Variants in DLGAP4 observed in about 807,000 individuals in gnomAD.
The protein encoded by DLGAP4 is DLG associated protein 4.
DLGAP4 carries 18 observed loss-of-function variants against 86.9 expected under a neutral mutation model. The observed-to-expected ratio is 0.21, with a 90% CI of 0.14 to 0.31. The LOEUF (loss-of-function observed/expected upper bound fraction) is 0.31, where lower values mean the gene tolerates loss of function less well. DLGAP4 is among the 10% of genes least tolerant of loss of function. The pLI, the probability that DLGAP4 is intolerant of heterozygous loss-of-function variation, is 1.00. For missense variants in DLGAP4, 1,085 were observed against 1,362.6 expected, an observed-to-expected ratio of 0.80 and a Z score of 3.21; for synonymous variants, 548 against 574.3, an observed-to-expected ratio of 0.95 and a Z score of 0.65.
chr20:36,512,541 C>G (rs1266102042), intron 10 of DLGAP4: 1 of 152,270 alleles, frequency 6.6e-6, no homozygotes, highest in Non-Finnish European at 1.5e-5. Flanking sequence ...AAACAAAATC[C>G]CTCCCCTCAT....
intron 1 of DLGAP4, among the ~76,000 whole-genome samples, chr20:36,320,054 TCTCCTCCAGGCCTCCCTCTGTGTCCGC>T (rs1569453720): frequency 4.8e-5 from 4 of 82,680 alleles, no homozygotes; most frequent in Admixed American, 1.4e-4. Context: ...TCTGTGTCCC[TCTCCTCCAGGCCTCCCTCTGTGTCCGC>T]CTCCTCCAGG....
chr20:36,496,927 G>A lies in DLGAP4; in HGVS notation c.1871G>A (p.Gly624Asp), dbSNP rs2035912242. The part of the protein sequence containing the change: ...SSTRPPSVTR[G>D]GVAPAPEAPE... ...ACCCGACCGCCCAGCGTGACACGGG[G>A]TGGAGTCGCCCCAGCCCCTGAGGCC... Residue 624 changes from glycine (G) to aspartate (D), a missense_variant, in exon 8 of 13, where the codon GGT becomes GAT. This residue lies in a region of DLGAP4 where 1,082 missense variants were observed against 1,344.1 expected (regional missense o/e 0.81). Transcript: ENST00000339266. 1 of 1,614,172 alleles carries A rather than the reference G, an allele frequency of 6.2e-7. No homozygotes were observed. Among genetic ancestry groups the A allele is most frequent in the Non-Finnish European group, 8.5e-7 (1 of 1,180,034 alleles).
intron 2 of DLGAP4, among the ~76,000 whole-genome samples, chr20:36,397,389 TCCGTGTCACG>T (rs1427819883): frequency 6.6e-6 from 1 of 152,182 alleles, no homozygotes; most frequent in African/African-American, 2.4e-5. Context: ...TAACAGCCCT[TCCGTGTCACG>T]CCCTGGCCAG....
chr20:36,527,009 C>T lies in DLGAP4; in HGVS notation c.2957C>T (p.Pro986Leu). Residue 986 changes from proline (P) to leucine (L), a missense_variant, in exon 13 of 13, where the codon CCG (proline) becomes CTG (leucine). By Grantham distance (98) the Pro-to-Leu change is moderately conservative (BLOSUM62 -3). This residue lies in a region of DLGAP4 where 3 missense variants were observed against 18.5 expected (regional missense o/e 0.16). Transcript: ENST00000339266. ...GCAGACAGCATCGAGATTTATGTCC[C>T]GGAGGCCCAGACCAGGCTCTGAGAC... ...ESADSIEIYV[P>L]EAQTRL 6.2e-7 allele frequency: 1 copy of T among 1,607,804 alleles called. No individual in the cohort carries two copies.
chr20:36,453,308 A>C (rs1429280435), intron 7 of DLGAP4, among the ~76,000 whole-genome samples: 1 of 152,144 alleles, frequency 6.6e-6, no homozygotes, highest in Non-Finnish European at 1.5e-5. Flanking sequence ...ATTTTTTTTT[A>C]GTTAGCCACT....
chr20:36,414,780 A>G (rs556362232), intron 2 of DLGAP4, among the ~76,000 whole-genome samples: 9 of 152,378 alleles, frequency 5.9e-5, no homozygotes, highest in Non-Finnish European at 1.2e-4. Flanking sequence ...GGAAATGGCC[A>G]CTAGCCATTT....
intron 1 of DLGAP4, among the ~76,000 whole-genome samples, chr20:36,318,359 A>G (rs889314403): frequency 6.6e-6 from 1 of 151,956 alleles, no homozygotes; most frequent in South Asian, 2.1e-4. Flanking sequence ...GAAGAGTGAC[A>G]CTCCTGAGGT....
At chr20:36,522,072 TC>T (rs1171263067) in intron 10 of DLGAP4, among the ~76,000 whole-genome samples, 1 of 152,152 alleles carries the variant, frequency 6.6e-6, no homozygotes, top group East Asian at 1.9e-4. Flanking sequence ...ACAGGGCTCC[TC>T]ACAGTGCAGG....
chr20:36,394,409 C>T (rs1200628795), intron 2 of DLGAP4, among the ~76,000 whole-genome samples: 1 of 151,962 alleles, frequency 6.6e-6, no homozygotes, highest in Non-Finnish European at 1.5e-5. Flanking sequence ...GCAGGGAGTA[C>T]CCAGGAGCCC....
intron 7 of DLGAP4, among the ~76,000 whole-genome samples, chr20:36,456,319 C>T (rs1332840610): frequency 6.6e-6 from 1 of 152,174 alleles, no homozygotes; most frequent in Non-Finnish European, 1.5e-5. Context: ...GCCCCCTGTG[C>T]GTGGGAGCCA....
At chr20:36,336,452 A>T (rs777576458) in intron 1 of DLGAP4, among the ~76,000 whole-genome samples, 2 of 152,084 alleles carry the variant, frequency 1.3e-5, no homozygotes, top group African/African-American at 4.8e-5. Flanking sequence ...CTGCTCTGTT[A>T]TGCCTATGGC....
intron 2 of DLGAP4, among the ~76,000 whole-genome samples, chr20:36,399,684 C>T (rs1290740996): frequency 6.6e-6 from 1 of 152,246 alleles, no homozygotes; most frequent in Non-Finnish European, 1.5e-5. Flanking sequence ...TGAGTTTCAA[C>T]TTTGAGCCAA....
intron 7 of DLGAP4, among the ~76,000 whole-genome samples, chr20:36,464,735 A>G (rs2034262619): frequency 6.6e-6 from 1 of 152,170 alleles, no homozygotes; most frequent in Non-Finnish European, 1.5e-5. Flanking sequence ...CTGTAATCCC[A>G]GCTACTTGGG....
chr20:36,409,843 C>T (rs1275327135), intron 2 of DLGAP4, among the ~76,000 whole-genome samples: 1 of 151,776 alleles, frequency 6.6e-6, no homozygotes, highest in East Asian at 1.9e-4. Flanking sequence ...ACCATCCTGG[C>T]TAACACGGTG....
chr20:36,439,223 G>C (rs1384158396), intron 4 of DLGAP4, among the ~76,000 whole-genome samples: 1 of 152,156 alleles, frequency 6.6e-6, no homozygotes, highest in Non-Finnish European at 1.5e-5. Context: ...CCCCATTTTA[G>C]AGATGAGGAA....
chr20:36,399,916 T>G (rs2032106893), intron 2 of DLGAP4, among the ~76,000 whole-genome samples: 1 of 152,180 alleles, frequency 6.6e-6, no homozygotes, highest in Non-Finnish European at 1.5e-5. Flanking sequence ...GTTACCACAG[T>G]AACTGAGCAG....
At chr20:36,330,518 C>T (rs540929379) in intron 1 of DLGAP4, among the ~76,000 whole-genome samples, 5 of 151,694 alleles carry the variant, frequency 3.3e-5, no homozygotes, top group Admixed American at 6.6e-5. Context: ...CTCTATGGGA[C>T]CTACTTCATA....
intron 2 of DLGAP4, among the ~76,000 whole-genome samples, chr20:36,399,858 G>A (rs1267965396): frequency 1.3e-5 from 2 of 152,168 alleles, no homozygotes; most frequent in Admixed American, 1.3e-4. Context: ...TCAGGCTGTA[G>A]TCCCGAGGCT....
Position 36,393,336 on chromosome 20 carries a change from C to T in DLGAP4, c.-73+26061C>T, listed in dbSNP as rs190381793. ...GCCTGGGTGAGAACCCCAAGCTCTA[C>T]ACTCCCTCGCTGTGTGGCCTAGGGT... On this transcript the variant is annotated intron_variant, in intron 2 of 12. Coordinates refer to ENST00000339266, the MANE Select transcript of DLGAP4 (RefSeq NM_001365621.2). This position sits in a 1 kb window ranked among gnomAD's most constrained non-coding sequence, Gnocchi z 4.4. 1.5e-3 allele frequency among the ~76,000 whole-genome samples: 227 copies of T among 152,214 alleles called. No individual in the cohort carries two copies. The highest frequency in any genetic ancestry group is 5.2e-3 in the African/African-American group (216 of 41,502).
Sources: gnomAD v4.1 joint callset for allele counts (sites outside exome capture counted in the v4.1 genomes callset) on GRCh38, gnomAD v4.1.1 for gene constraint, gnomAD v4.1.1 regional missense constraint, Gnocchi (gnomAD v3.1) non-coding constraint, MANE v1.5 for transcripts, NCBI Gene and HGNC (gene_info 2026-07-23, HGNC 2026-07-21) for gene names.